Variants in TMPRSS11F observed in about 807,000 individuals in gnomAD.
The protein encoded by TMPRSS11F is transmembrane protease serine 11F.
In TMPRSS11F, 47 loss-of-function variants were observed where a neutral mutation model predicts 60.2. The observed-to-expected ratio is 0.78, with a 90% confidence interval of 0.62 to 1.00. The LOEUF (loss-of-function observed/expected upper bound fraction) is 1.00. TMPRSS11F is among the 50% of genes least tolerant of loss of function. The pLI, the probability that TMPRSS11F is intolerant of heterozygous loss-of-function variation, is 0.00. For synonymous variants in TMPRSS11F, 166 were observed against 167.3 expected (o/e 0.99, Z 0.06); for missense variants, 519 against 522.9 (o/e 0.99, Z 0.07).
intron 5 of TMPRSS11F, 64 bp from the exon 6 acceptor site, chr4:68,070,071 T>A: frequency 7.4e-7 from 1 of 1,353,680 alleles, no homozygotes; most frequent in Non-Finnish European, 1.0e-6. Context: ...TGTTGTGTTG[T>A]TCAACTGGTC....
chr4:68,070,692 C>T (rs1431949086), intron 5 of TMPRSS11F, among the ~76,000 whole-genome samples: 1 of 152,144 alleles, frequency 6.6e-6, no homozygotes, highest in Non-Finnish European at 1.5e-5. Flanking sequence ...TTTTTCCCTT[C>T]AAATTTATTC....
intron 9 of TMPRSS11F, among the ~76,000 whole-genome samples, chr4:68,054,923 T>C (rs780550109): frequency 6.6e-6 from 1 of 152,102 alleles, no homozygotes; most frequent in Non-Finnish European, 1.5e-5. Context: ...TCATGATACG[T>C]GCTATGGTAA....
At chr4:68,054,840 T>C (rs1406887347) in intron 9 of TMPRSS11F, among the ~76,000 whole-genome samples, 2 of 152,126 alleles carry the variant, frequency 1.3e-5, no homozygotes, top group Admixed American at 6.6e-5. Flanking sequence ...CTCATAGAGT[T>C]TGAAGTTTAG....
At chr4:68,124,847 A>AT (rs1429952139) in intron 1 of TMPRSS11F, among the ~76,000 whole-genome samples, 1 of 147,142 alleles carries the variant, frequency 6.8e-6, no homozygotes, top group Non-Finnish European at 1.5e-5. Flanking sequence ...TTGTTTTTCT[A>AT]TTTTCAGAAG....
chr4:68,125,982 G>A (rs77801224), intron 1 of TMPRSS11F, among the ~76,000 whole-genome samples: 1 of 152,076 alleles, frequency 6.6e-6, no homozygotes, highest in Non-Finnish European at 1.5e-5. Flanking sequence ...TTTTTAAAAA[G>A]CTAGCCATTA....
chr4:68,127,955 C>A (rs945002389), intron 1 of TMPRSS11F, among the ~76,000 whole-genome samples: 5 of 152,096 alleles, frequency 3.3e-5, no homozygotes, highest in Admixed American at 2.0e-4. Context: ...CAACCTCACC[C>A]CTCATTCATT....
chr4:68,081,427 CA>C (rs1723694991), intron 3 of TMPRSS11F, among the ~76,000 whole-genome samples: 2 of 152,082 alleles, frequency 1.3e-5, no homozygotes, highest in South Asian at 4.1e-4. Flanking sequence ...TTTATCTAAA[CA>C]AACAATTTTT....
At position 68,062,581 on chromosome 4, in the gene TMPRSS11F, C is replaced by T. The variant is rs754706001; in HGVS notation, c.1015+2104G>A. 6 of 857,316 alleles carry T rather than the reference C, an allele frequency of 7.0e-6. No individual in the cohort carries two copies. The East Asian group carries it at 1.5e-4, about 21-fold the overall frequency. 53.1% of individuals were successfully genotyped at this position (857,316 alleles called of 1,614,324 possible). On this transcript the variant is annotated intron_variant, in intron 8 of 9. Coordinates refer to ENST00000356291, the MANE Select transcript of TMPRSS11F (RefSeq NM_207407.2). ...GCAACGCCTGCCATCTACGTACTTG[C>T]CGTCCTTTTGACTCTTTCATTTCAG... is the stretch of plus-strand genomic sequence containing the variant.
intron 1 of TMPRSS11F, among the ~76,000 whole-genome samples, chr4:68,115,674 AGAGT>A (rs1165498748): frequency 6.6e-6 from 1 of 152,224 alleles, no homozygotes; most frequent in African/African-American, 2.4e-5. Context: ...CAAAAATCAC[AGAGT>A]GAAAGGTCAT....
At chr4:68,097,392 C>T (rs1175342278) in intron 2 of TMPRSS11F, among the ~76,000 whole-genome samples, 1 of 152,130 alleles carries the variant, frequency 6.6e-6, no homozygotes, top group Non-Finnish European at 1.5e-5. Context: ...CTGATGGTCC[C>T]ATTTTACATC....
intron 1 of TMPRSS11F, among the ~76,000 whole-genome samples, chr4:68,123,892 C>T (rs1724667269): frequency 1.3e-5 from 2 of 152,170 alleles, no homozygotes; most frequent in Non-Finnish European, 2.9e-5. Flanking sequence ...AAGATAGGAG[C>T]ATCACAAATA....
At position 68,054,194 on chromosome 4, in the gene TMPRSS11F, A is replaced by G. The variant is rs1722996234; in HGVS notation, c.1159-127T>C. On this transcript the variant is annotated intron_variant, in intron 9 of 9. Coordinates refer to ENST00000356291, the MANE Select transcript of TMPRSS11F (RefSeq NM_207407.2). ...CCACAGCCAGACTACAGACTATATA[A>G]TGGGTCTCTCAACTGAATTAAAATT... 4 of 739,498 alleles carry G rather than the reference A, an allele frequency of 5.4e-6. No individual in the cohort carries two copies. In the South Asian group the frequency reaches 8.5e-5, roughly 16 times the overall value. 45.8% of individuals were successfully genotyped at this position (739,498 alleles called of 1,614,324 possible). A position where few individuals can be genotyped will look rare whatever the true frequency, so the allele number is the denominator to read the frequency against.
At chr4:68,067,471 T>A (rs1177673244) in intron 7 of TMPRSS11F, among the ~76,000 whole-genome samples, 1 of 152,238 alleles carries the variant, frequency 6.6e-6, no homozygotes, top group Non-Finnish European at 1.5e-5. Context: ...TAAGTTGGAA[T>A]TCTGGATTTG....
chr4:68,068,973 A>G (rs1043731426), intron 6 of TMPRSS11F, among the ~76,000 whole-genome samples, 154 bp from the exon 7 acceptor site: 28 of 152,170 alleles, frequency 1.8e-4, no homozygotes, highest in African/African-American at 6.3e-4. Context: ...GGTCTTGCTG[A>G]TCCTACTGAG....
chr4:68,113,717 C>G (rs1189963920), intron 1 of TMPRSS11F, among the ~76,000 whole-genome samples: 2 of 152,216 alleles, frequency 1.3e-5, no homozygotes, highest in Middle Eastern at 3.4e-3. Context: ...CTCTCAGTAA[C>G]TGATAAAGTA....
chr4:68,053,711 T>G lies in TMPRSS11F; in HGVS notation c.*198A>C, dbSNP rs1577905617. 8.8e-6 allele frequency: 4 copies of G among 454,878 alleles called. No individual in the cohort carries two copies. The highest frequency in any genetic ancestry group is 3.3e-5 in the East Asian group (1 of 30,534). 28.2% of individuals were successfully genotyped at this position (454,878 alleles called of 1,614,324 possible). On this transcript the variant is annotated 3_prime_UTR_variant, in exon 10 of 10. Transcript: ENST00000356291. ...AATAGGTGCTGTCTGTCATTTGCTGTGTCTTCTTCCCTCATGGTAGAGAGG... is the reference window on the plus strand; with the variant it reads ...AATAGGTGCTGTCTGTCATTTGCTGGGTCTTCTTCCCTCATGGTAGAGAGG...
intron 2 of TMPRSS11F, among the ~76,000 whole-genome samples, chr4:68,097,022 T>A (rs923017231): frequency 6.6e-6 from 1 of 152,198 alleles, no homozygotes; most frequent in African/African-American, 2.4e-5. Flanking sequence ...CTCTATTTTA[T>A]CCCATTCTAC....
At chr4:68,083,145 C>T (rs1483709142) in intron 3 of TMPRSS11F, among the ~76,000 whole-genome samples, 1 of 152,202 alleles carries the variant, frequency 6.6e-6, no homozygotes, top group Admixed American at 6.5e-5. Context: ...GTCAAAGCAT[C>T]AACAGACCAC....
intron 8 of TMPRSS11F, chr4:68,062,905 T>G (rs769337670): frequency 7.4e-6 from 6 of 806,176 alleles, no homozygotes; most frequent in Non-Finnish European, 6.6e-6. Context: ...TTATCACTTC[T>G]GCTGATAGTC....
Sources: allele counts gnomAD v4.1 joint callset (sites outside exome capture counted in the v4.1 genomes callset), GRCh38; gene constraint gnomAD v4.1.1; transcripts MANE v1.5; gene names NCBI Gene and HGNC (gene_info 2026-07-23, HGNC 2026-07-21).